Variants in SETBP1 observed in about 807,000 individuals in gnomAD.
The protein encoded by SETBP1 is SET-binding protein.
SETBP1 carries 9 observed loss-of-function variants against 101.0 expected under a neutral mutation model. That is an observed-to-expected ratio of 0.09 (90% CI 0.05 to 0.16). The LOEUF (loss-of-function observed/expected upper bound fraction) is 0.16. Ranked by LOEUF, SETBP1 falls within the 10% of genes least tolerant of loss-of-function variation. The pLI is 1.00. For synonymous variants in SETBP1, 818 were observed against 788.5 expected, an observed-to-expected ratio of 1.04 and a Z score of -0.63; for missense variants, 1,858 against 2,033.8, an observed-to-expected ratio of 0.91 and a Z score of 1.66.
At position 44,790,985 on chromosome 18, in the gene SETBP1, GT is replaced by G. The variant is rs2071360473; in HGVS notation, c.487-78243del. Among the ~76,000 whole-genome samples the G allele has an allele frequency of 2.6e-5, 4 of 152,188 alleles. No individual in the cohort carries two copies. The South Asian group carries it at 8.3e-4, about 31-fold the overall frequency. ...CAGAAATGCTAATTGAATACCTGCT[GT>G]TCCCAATACTATTGTAGACCCTGGG... On this transcript the variant is annotated intron_variant, in intron 2 of 5. Transcript: ENST00000649279.
intron 4 of SETBP1, among the ~76,000 whole-genome samples, chr18:45,037,435 G>A (rs1394741550): frequency 6.6e-6 from 1 of 152,092 alleles, no homozygotes; most frequent in South Asian, 2.1e-4. Flanking sequence ...ATAATGTTAA[G>A]CACTTTTATA....
At chr18:44,865,507 G>T (rs1568188475) in intron 2 of SETBP1, among the ~76,000 whole-genome samples, 2 of 152,188 alleles carry the variant, frequency 1.3e-5, no homozygotes. Context: ...GCGATATCCT[G>T]ATGTAGGTGG....
rs1357080007 is a variant in SETBP1, at chr18:44,837,916, C to G, written c.487-31314C>G. 2.0e-5 allele frequency among the ~76,000 whole-genome samples: 3 copies of G among 152,262 alleles called. No individual in the cohort carries two copies. In the South Asian group the frequency reaches 6.2e-4, roughly 32 times the overall value. On this transcript the variant is annotated intron_variant, in intron 2 of 5. Transcript: ENST00000649279. The stretch of plus-strand genomic sequence containing the variant: ...CATATGCAAACACATCTCCTCTAGT[C>G]ACACTAGAGGAATTCAGCTGAATTG...
chr18:45,059,476 T>A (rs919066780), intron 5 of SETBP1, among the ~76,000 whole-genome samples: 15 of 152,214 alleles, frequency 9.9e-5, no homozygotes, highest in Non-Finnish European at 2.1e-4. Context: ...TAGTCTCTTT[T>A]GATGCACAGT....
intron 3 of SETBP1, among the ~76,000 whole-genome samples, chr18:44,898,078 G>C (rs189941170): frequency 2.3e-3 from 344 of 152,248 alleles, no homozygotes; most frequent in Non-Finnish European, 2.8e-3. Flanking sequence ...AACTCACTCA[G>C]GGCTCTTTGC....
intron 4 of SETBP1, among the ~76,000 whole-genome samples, chr18:44,960,578 A>G (rs1451014749): frequency 2.0e-5 from 3 of 152,148 alleles, no homozygotes; most frequent in Non-Finnish European, 4.4e-5. Flanking sequence ...TCTTGGGCTC[A>G]AGTGATCCTC....
At chr18:44,693,861 A>G (rs558430947) in intron 1 of SETBP1, among the ~76,000 whole-genome samples, 6 of 152,182 alleles carry the variant, frequency 3.9e-5, no homozygotes, top group Non-Finnish European at 8.8e-5. Flanking sequence ...AAAACCAGCT[A>G]AAGACTTCCC....
intron 4 of SETBP1, among the ~76,000 whole-genome samples, chr18:45,015,778 C>T (rs1156646246): frequency 2.0e-5 from 3 of 152,060 alleles, no homozygotes; most frequent in African/African-American, 7.2e-5. Flanking sequence ...TTGGGGTGAA[C>T]AGAGAAAAAT....
At chr18:45,032,641 G>T (rs1031845341) in intron 4 of SETBP1, among the ~76,000 whole-genome samples, 1 of 152,174 alleles carries the variant, frequency 6.6e-6, no homozygotes, top group Admixed American at 6.5e-5. Context: ...CATGGGAGGA[G>T]AATGGGGATA....
intron 3 of SETBP1, among the ~76,000 whole-genome samples, chr18:44,929,114 A>T (rs1205607562): frequency 6.6e-6 from 1 of 152,158 alleles, no homozygotes; most frequent in East Asian, 1.9e-4. Context: ...TTTTTGTATA[A>T]GGTGTAAGGG....
At chr18:44,790,954 T>A (rs1415316358) in intron 2 of SETBP1, among the ~76,000 whole-genome samples, 2 of 152,214 alleles carry the variant, frequency 1.3e-5, no homozygotes, top group East Asian at 3.8e-4. Context: ...AAAAATATGC[T>A]TTTTTCAGAA....
chr18:45,062,946 C>A, intron 5 of SETBP1, 133 bp from the exon 6 acceptor site: 2 of 1,118,708 alleles, frequency 1.8e-6, no homozygotes, highest in Non-Finnish European at 2.6e-6. Context: ...GCATCTTGGG[C>A]ACGGAGACAT....
At chr18:44,819,466 AGTAG>A (rs1270235751) in intron 2 of SETBP1, among the ~76,000 whole-genome samples, 7 of 152,270 alleles carry the variant, frequency 4.6e-5, no homozygotes, top group Middle Eastern at 3.4e-3. Flanking sequence ...CATTTTTGAA[AGTAG>A]GTGGAGGTGC....
chr18:44,728,618 G>A (rs1178928728), intron 2 of SETBP1, among the ~76,000 whole-genome samples: 1 of 152,178 alleles, frequency 6.6e-6, no homozygotes, highest in Admixed American at 6.5e-5. Context: ...AAATAAAATG[G>A]TAATTATAAA....
intron 2 of SETBP1, among the ~76,000 whole-genome samples, chr18:44,719,202 GA>G (rs1447322551): frequency 1.3e-5 from 2 of 152,178 alleles, no homozygotes; most frequent in Non-Finnish European, 2.9e-5. Context: ...AGAGGAAATA[GA>G]AGCAGAAATC....
At chr18:45,020,039 T>C (rs1459406375) in intron 4 of SETBP1, among the ~76,000 whole-genome samples, 1 of 151,874 alleles carries the variant, frequency 6.6e-6, no homozygotes, top group African/African-American at 2.4e-5. Flanking sequence ...ATATGGTTGG[T>C]ATTATCTACC....
intron 3 of SETBP1, among the ~76,000 whole-genome samples, chr18:44,934,053 G>T (rs1464661805): frequency 4.6e-5 from 7 of 152,120 alleles, no homozygotes; most frequent in Non-Finnish European, 7.4e-5. Flanking sequence ...TTCCTATTCG[G>T]CCATCTTGGA....
chr18:44,999,804 C>T lies in SETBP1; in HGVS notation c.4001-38681C>T, dbSNP rs77134497. ...TATTTTTAAGGATGTAATTCTGAAT[C>T]ATGTAATGCTGGATAATTGACAATG... is the stretch of plus-strand genomic sequence containing the variant. On this transcript the variant is annotated intron_variant, in intron 4 of 5. Transcript: ENST00000649279. Among the ~76,000 whole-genome samples the T allele has an allele frequency of 1.3e-3, 191 of 152,288 alleles. 2 individuals carry two copies. The East Asian group carries it at 0.024, about 19-fold the overall frequency.
chr18:44,713,664 C>A (rs2069395343), intron 2 of SETBP1, among the ~76,000 whole-genome samples: 1 of 152,186 alleles, frequency 6.6e-6, no homozygotes, highest in South Asian at 2.1e-4. Context: ...GCTGTACCAG[C>A]TTTCTAGAAG....
Sources: allele counts gnomAD v4.1 joint callset (sites outside exome capture counted in the v4.1 genomes callset), GRCh38; gene constraint gnomAD v4.1.1; transcripts MANE v1.5; gene names NCBI Gene and HGNC (gene_info 2026-07-23, HGNC 2026-07-21).